The following ZKSCAN8 variants were observed in gnomAD, a reference collection of about 807,000 sequenced individuals.
ZKSCAN8 encodes the protein zinc finger protein with KRAB and SCAN domains 8.
In ZKSCAN8, 27 loss-of-function variants were observed where a neutral mutation model predicts 57.2. The observed-to-expected ratio is 0.47, with a 90% CI of 0.35 to 0.65. The LOEUF (loss-of-function observed/expected upper bound fraction) is 0.65. Among genes scored for constraint, ZKSCAN8 ranks in the 30% least tolerant of loss-of-function variants. The pLI, the probability that ZKSCAN8 is intolerant of heterozygous loss-of-function variation, is 0.01. For missense variants in ZKSCAN8, 597 were observed against 696.3 expected, an observed-to-expected ratio of 0.86 and a Z score of 1.60; for synonymous variants, 214 against 248.7, an observed-to-expected ratio of 0.86 and a Z score of 1.31.
Position 28,144,829 on chromosome 6 carries a change from G to A in ZKSCAN8, c.-93+2800G>A, listed in dbSNP as rs898309268. Among the ~76,000 whole-genome samples, 49 of 152,090 alleles carry A rather than the reference G, an allele frequency of 3.2e-4. No individual in the cohort carries two copies. Among genetic ancestry groups the A allele is most frequent in the African/African-American group, 5.5e-4 (23 of 41,472 alleles). On this transcript the variant is annotated intron_variant, in intron 1 of 5. Transcript: ENST00000330236. This position sits in a 1 kb window ranked among gnomAD's most constrained non-coding sequence, Gnocchi z 4.5. ...TCCCAGCACTTTGGGAGGCCGAGGC[G>A]GGCAGATCACGAGGTCAGGAGATCG... is the stretch of plus-strand genomic sequence containing the variant.
At chr6:28,151,205 A>C (rs1336422074) in intron 3 of ZKSCAN8, among the ~76,000 whole-genome samples, 1 of 151,884 alleles carries the variant, frequency 6.6e-6, no homozygotes, top group African/African-American at 2.4e-5. Context: ...TTTTTTTGAG[A>C]ATTTTTTTAC....
upstream of ZKSCAN8, chr6:28,141,855 C>T (rs2277103): frequency 0.056 from 8,497 of 152,672 alleles, 344 homozygotes; most frequent in African/African-American, 0.11. Context: ...CCGGAAGTGC[C>T]TTTGGGGCAA....
Position 28,152,360 on chromosome 6 carries a change from A to C in ZKSCAN8, c.751A>C (p.Asn251His), listed in dbSNP as rs763241262. The change falls in exon 5 of 6, where the codon AAT (asparagine) becomes CAT (histidine). Residue 251 changes from asparagine (N) to histidine (H), a missense_variant. Transcript: ENST00000330236. ...TCTGTGTAGAGATAACAGGCCAGAAAATTTCAGAAACATGTTCTCCCTGGG... is the reference window on the plus strand; with the variant it reads ...TCTGTGTAGAGATAACAGGCCAGAACATTTCAGAAACATGTTCTCCCTGGG... ...KDLCRDNRPE[N>H]FRNMFSLGGE... The C allele has an allele frequency of 1.2e-5, 19 of 1,608,998 alleles. No individual in the cohort carries two copies. The Admixed American group carries it at 3.2e-4, about 27-fold the overall frequency.
intron 1 of ZKSCAN8, among the ~76,000 whole-genome samples, chr6:28,146,957 A>C (rs1765417950): frequency 6.6e-6 from 1 of 152,164 alleles, no homozygotes; most frequent in South Asian, 2.1e-4. Flanking sequence ...TAAAACCTAA[A>C]ACTATAAAAC....
At chr6:28,142,852 A>G (rs1358084132) in intron 1 of ZKSCAN8, among the ~76,000 whole-genome samples, 2 of 152,244 alleles carry the variant, frequency 1.3e-5, no homozygotes, top group Non-Finnish European at 2.9e-5. Flanking sequence ...AGCTAATGCA[A>G]TTTGAGATAA....
chr6:28,152,947 A>T, intron 5 of ZKSCAN8, 109 bp from the exon 6 acceptor site: 1 of 1,468,206 alleles, frequency 6.8e-7, no homozygotes, highest in Non-Finnish European at 9.2e-7. Context: ...GTTTACTTAT[A>T]GCTGTTCATG....
chr6:28,154,204 T>G lies in ZKSCAN8; in HGVS notation c.*187T>G. ...AGTGCCTTGGTGAAGGTTGATTAGC[T>G]TGACTGTCTTTGAAAGTATCTGATG... On this transcript the variant is annotated 3_prime_UTR_variant, in exon 6 of 6. Transcript: ENST00000330236. The G allele has an allele frequency of 1.4e-6, 1 of 718,610 alleles. No individual in the cohort carries two copies. Among genetic ancestry groups the G allele is most frequent in the Non-Finnish European group, 2.2e-6 (1 of 460,356 alleles). The allele number at this position is 718,610 out of a possible 1,614,324, so 44.5% of individuals were successfully genotyped here. A position where few individuals can be genotyped will look rare whatever the true frequency, so the allele number is the denominator to read the frequency against.
chr6:28,148,884 A>T, intron 2 of ZKSCAN8, 60 bp downstream of exon 2: 1 of 1,543,426 alleles, frequency 6.5e-7, no homozygotes, highest in Non-Finnish European at 8.7e-7. Flanking sequence ...TGGTAGAGGG[A>T]CATAGGCATC....
Position 28,155,771 on chromosome 6 carries a change from C to T in ZKSCAN8, c.*1754C>T, listed in dbSNP as rs1765762082. 1 of 178,624 alleles carries T rather than the reference C, an allele frequency of 5.6e-6. No individual in the cohort carries two copies. Among genetic ancestry groups the T allele is most frequent in the South Asian group, 2.0e-4 (1 of 5,090 alleles). 11.1% of individuals were successfully genotyped at this position (178,624 alleles called of 1,614,324 possible). ...CACCTTTTGGATCATAAATTCTTTC[C>T]CTATAACATTCCTTCTCTGCCTCTC... On this transcript the variant is annotated 3_prime_UTR_variant, in exon 6 of 6. Coordinates refer to ENST00000330236, the MANE Select transcript of ZKSCAN8 (RefSeq NM_006298.4).
chr6:28,142,416 A>C (rs530732976), intron 1 of ZKSCAN8, among the ~76,000 whole-genome samples: 2 of 152,098 alleles, frequency 1.3e-5, no homozygotes, highest in Non-Finnish European at 2.9e-5. Context: ...TAAAAAAGAC[A>C]TATTTTGCTT....
intron 1 of ZKSCAN8, among the ~76,000 whole-genome samples, chr6:28,143,107 A>G (rs1267024512): frequency 2.0e-5 from 3 of 152,212 alleles, no homozygotes; most frequent in Admixed American, 6.5e-5. Context: ...AAACTCATGT[A>G]AACTTGACTA....
chr6:28,153,149 A>G lies in ZKSCAN8; in HGVS notation c.869A>G (p.Asn290Ser), dbSNP rs555727854. The G allele has an allele frequency of 3.1e-6, 5 of 1,614,118 alleles. No individual in the cohort carries two copies. Among genetic ancestry groups the G allele is most frequent in the Admixed American group, 1.7e-5 (1 of 60,004 alleles). The change falls in exon 6 of 6, where the codon AAC becomes AGC. Residue 290 changes from asparagine (N) to serine (S), a missense_variant. By Grantham distance (46) the Asn-to-Ser change is conservative. Coordinates refer to ENST00000330236, the MANE Select transcript of ZKSCAN8 (RefSeq NM_006298.4). ...CATGGAGAGACAGCTGCCAAATGCA[A>G]CGGGGATGTTATCAGGGGTCTTGAG... The part of the protein sequence containing the change: ...QPHGETAAKC[N>S]GDVIRGLEHE...
chr6:28,156,990 TG>T lies in ZKSCAN8; in HGVS notation c.*2974del, dbSNP rs1278871882. 6.6e-6 allele frequency: 1 copy of T among 152,226 alleles called. No homozygotes were observed. Among genetic ancestry groups the T allele is most frequent in the African/African-American group, 2.4e-5 (1 of 41,456 alleles). 9.4% of individuals were successfully genotyped at this position (152,226 alleles called of 1,614,324 possible). Reference sequence around the variant, plus strand: ...TGAGCACTTACTATGTGCCCAACCCTGTTATGCCTTTCTCAGGCTCATGATA... The same window carrying T: ...TGAGCACTTACTATGTGCCCAACCCTTTATGCCTTTCTCAGGCTCATGATA... On this transcript the variant is annotated 3_prime_UTR_variant, in exon 6 of 6. Transcript: ENST00000330236.
intron 3 of ZKSCAN8, among the ~76,000 whole-genome samples, chr6:28,151,488 A>C (rs1437876672): frequency 6.6e-6 from 1 of 152,224 alleles, no homozygotes; most frequent in Non-Finnish European, 1.5e-5. Context: ...AGACTGGTTG[A>C]TTCTGATACT....
intron 2 of ZKSCAN8, among the ~76,000 whole-genome samples, chr6:28,149,060 A>G (rs747837907): frequency 4.5e-4 from 69 of 152,294 alleles, no homozygotes; most frequent in Middle Eastern, 6.8e-3. Context: ...TGTTTGCCAG[A>G]TGGGAACTTG....
rs754820951 is a variant in ZKSCAN8 at position 28,153,416 on chromosome 6, A to G, written c.1136A>G (p.His379Arg). 2.5e-6 allele frequency: 4 copies of G among 1,614,008 alleles called. No individual in the cohort carries two copies. The Admixed American group carries it at 5.0e-5, about 20-fold the overall frequency. ...ATCCACAACAAAGTAAAACGCTATCACTGTAAGGAGTGTGGCAAAGCCTTC... is the reference window on the plus strand; with the variant it reads ...ATCCACAACAAAGTAAAACGCTATCGCTGTAAGGAGTGTGGCAAAGCCTTC... ...QDIHNKVKRY[H>R]CKECGKAFSQ... The change falls in exon 6 of 6, where the codon CAC becomes CGC. Residue 379 changes from histidine to arginine, a missense_variant. By Grantham distance (29) the His-to-Arg change is conservative. Transcript: ENST00000330236.
At position 28,157,115 on chromosome 6, in the gene ZKSCAN8, G is replaced by C. The variant is rs2113605832; in HGVS notation, c.*3098G>C. 6.5e-6 allele frequency: 1 copy of C among 152,754 alleles called. No homozygotes were observed. The highest frequency in any genetic ancestry group is 1.5e-5 in the Non-Finnish European group (1 of 68,420). The allele number at this position is 152,754 out of a possible 1,614,324, so 9.5% of individuals were successfully genotyped here. ...TAATGGACTCAGTTCCACATGGCTG[G>C]GGACGCCTCACAATCATGGTGGAAG... On this transcript the variant is annotated 3_prime_UTR_variant, in exon 6 of 6. Coordinates refer to ENST00000330236, the MANE Select transcript of ZKSCAN8 (RefSeq NM_006298.4).
intron 3 of ZKSCAN8, 129 bp downstream of exon 3, chr6:28,149,753 T>C: frequency 9.9e-7 from 1 of 1,009,798 alleles, no homozygotes; most frequent in Non-Finnish European, 1.4e-6. Flanking sequence ...AAGTCTGTGT[T>C]TAAATGTTTA....
At position 28,158,276 on chromosome 6, in the gene ZKSCAN8, TCTCC is replaced by T. The variant is rs1353587729; in HGVS notation, c.*4262_*4265del. 6.6e-6 allele frequency: 1 copy of T among 152,156 alleles called. No homozygotes were observed. Among genetic ancestry groups the T allele is most frequent in the Non-Finnish European group, 1.5e-5 (1 of 68,022 alleles). The allele number at this position is 152,156 out of a possible 1,614,324, so 9.4% of individuals were successfully genotyped here. Reference sequence around the variant, plus strand: ...TTCTCCTCTTCTCCACTGAGAATAATCTCCCTGTCTTTTATTCACTTCATTTTCT... The same window carrying T: ...TTCTCCTCTTCTCCACTGAGAATAATCTGTCTTTTATTCACTTCATTTTCT... On this transcript the variant is annotated 3_prime_UTR_variant, in exon 6 of 6. Coordinates refer to ENST00000330236, the MANE Select transcript of ZKSCAN8 (RefSeq NM_006298.4).
Sources: gnomAD v4.1 joint callset for allele counts (sites outside exome capture counted in the v4.1 genomes callset) on GRCh38, gnomAD v4.1.1 for gene constraint, Gnocchi (gnomAD v3.1) non-coding constraint, MANE v1.5 for transcripts, NCBI Gene and HGNC (gene_info 2026-07-23, HGNC 2026-07-21) for gene names.